The following MYO5B variants were observed in gnomAD, a reference collection of about 807,000 sequenced individuals.
MYO5B encodes the protein myosin VB, also known as unconventional myosin-Vb.
In MYO5B, 143 loss-of-function variants were observed where a neutral mutation model predicts 229.3. The ratio of observed to expected loss-of-function variants is 0.62; its 90% CI spans 0.54 to 0.72. The LOEUF is 0.72. MYO5B is among the 30% of genes least tolerant of loss of function. The pLI is 0.00. For missense variants in MYO5B, 2,321 were observed against 2,331.0 expected (o/e 1.00, Z 0.09); for synonymous variants, 918 against 885.2 (o/e 1.04, Z -0.66).
chr18:50,073,929 T>C (rs2031018690), intron 1 of MYO5B, among the ~76,000 whole-genome samples: 1 of 152,184 alleles, frequency 6.6e-6, no homozygotes, highest in South Asian at 2.1e-4. Context: ...GTCTGATCCT[T>C]CTCCATTCAC....
At chr18:49,847,641 C>T (rs1018543922) in intron 32 of MYO5B, among the ~76,000 whole-genome samples, 8 of 152,252 alleles carry the variant, frequency 5.3e-5, no homozygotes, top group Non-Finnish European at 1.5e-5. Context: ...CTCACCGCTC[C>T]TGCATAGCTG....
chr18:49,906,692 T>G, intron 18 of MYO5B, 62 bp from the exon 19 acceptor site: 5 of 1,395,886 alleles, frequency 3.6e-6, no homozygotes, highest in Non-Finnish European at 5.1e-6. Context: ...ACATGGCCCA[T>G]ACCACCCTTG....
chr18:50,052,265 C>T, intron 2 of MYO5B, among the ~76,000 whole-genome samples: 1 of 151,914 alleles, frequency 6.6e-6, no homozygotes, highest in African/African-American at 2.4e-5. Context: ...CGTATGTTTA[C>T]TGCGGCACTA....
chr18:50,007,485 A>G (rs138070885), intron 4 of MYO5B, among the ~76,000 whole-genome samples: 13 of 152,146 alleles, frequency 8.5e-5, no homozygotes, highest in South Asian at 2.1e-4. Flanking sequence ...ACATCGGACC[A>G]TTCTTCTCCC....
At chr18:50,134,771 A>G (rs920569862) in intron 1 of MYO5B, among the ~76,000 whole-genome samples, 1 of 152,000 alleles carries the variant, frequency 6.6e-6, no homozygotes, top group African/African-American at 2.4e-5. Flanking sequence ...CACTTCATAT[A>G]TTCTCTTCAT....
At chr18:50,018,281 C>A (rs1598956929) in intron 4 of MYO5B, among the ~76,000 whole-genome samples, 1 of 97,324 alleles carries the variant, frequency 1.0e-5, no homozygotes, top group Non-Finnish European at 2.0e-5. Context: ...CTTGCTCATA[C>A]ATATACCCAT....
chr18:50,000,584 C>A (rs2026035398), intron 5 of MYO5B, among the ~76,000 whole-genome samples: 1 of 152,154 alleles, frequency 6.6e-6, no homozygotes, highest in Admixed American at 6.5e-5. Flanking sequence ...CTAAAGCATG[C>A]TTAGTTATAG....
intron 22 of MYO5B, among the ~76,000 whole-genome samples, chr18:49,885,753 T>C (rs1165444778): frequency 6.6e-6 from 1 of 152,146 alleles, no homozygotes; most frequent in Non-Finnish European, 1.5e-5. Flanking sequence ...TTGGGGTCAC[T>C]GGCTCTCCCC....
At chr18:49,927,846 A>G (rs2025147204) in intron 17 of MYO5B, among the ~76,000 whole-genome samples, 1 of 152,272 alleles carries the variant, frequency 6.6e-6, no homozygotes, top group African/African-American at 2.4e-5. Context: ...CAACGACTTC[A>G]TGACCAAGAA....
At chr18:50,087,572 C>CAA (rs3075643) in intron 1 of MYO5B, among the ~76,000 whole-genome samples, 5,643 of 85,408 alleles carry the variant, frequency 0.066, 169 homozygotes, top group African/African-American at 0.092. Context: ...GACTCCATCT[C>CAA]AAAAAAAAAA....
chr18:49,845,403 C>T (rs967303325), intron 33 of MYO5B, among the ~76,000 whole-genome samples: 8 of 152,168 alleles, frequency 5.3e-5, no homozygotes, highest in Admixed American at 2.0e-4. Flanking sequence ...CTGGGTCCCT[C>T]GGCCCTAGGC....
intron 1 of MYO5B, among the ~76,000 whole-genome samples, chr18:50,172,695 G>A (rs775008483): frequency 2.0e-5 from 3 of 152,206 alleles, no homozygotes; most frequent in East Asian, 1.9e-4. Flanking sequence ...TGGAGACTCC[G>A]CAGTGAACAG....
At chr18:50,085,353 A>T (rs2031308256) in intron 1 of MYO5B, among the ~76,000 whole-genome samples, 1 of 152,184 alleles carries the variant, frequency 6.6e-6, no homozygotes, top group Non-Finnish European at 1.5e-5. Context: ...TGCAAATCAA[A>T]ACCACAATGA....
chr18:49,906,667 G>C, intron 18 of MYO5B, 37 bp from the exon 19 acceptor site: 1 of 1,564,886 alleles, frequency 6.4e-7, no homozygotes, highest in East Asian at 2.2e-5. Flanking sequence ...TTGGTCACCA[G>C]TGAGCAGAGA....
chr18:49,929,798 T>A (rs992588655), intron 16 of MYO5B, among the ~76,000 whole-genome samples, 200 bp from the exon 17 acceptor site: 2 of 152,194 alleles, frequency 1.3e-5, no homozygotes, highest in African/African-American at 4.8e-5. Flanking sequence ...ACCTGAGCCA[T>A]CTCAGCATCT....
At chr18:50,041,307 A>G (rs900758008) in intron 2 of MYO5B, among the ~76,000 whole-genome samples, 1 of 152,216 alleles carries the variant, frequency 6.6e-6, no homozygotes, top group Non-Finnish European at 1.5e-5. Flanking sequence ...CTTTTAGGAA[A>G]TTCTATGGAC....
chr18:50,176,446 T>C (rs543581721), intron 1 of MYO5B, among the ~76,000 whole-genome samples: 61 of 152,374 alleles, frequency 4.0e-4, no homozygotes, highest in Non-Finnish European at 3.1e-4. Context: ...GCCTAGCACA[T>C]ATAACTGCAT....
intron 3 of MYO5B, among the ~76,000 whole-genome samples, chr18:50,039,626 C>T (rs962876376): frequency 2.0e-5 from 3 of 152,080 alleles, no homozygotes; most frequent in Non-Finnish European, 4.4e-5. Context: ...CCACTGCGCC[C>T]GGCGGAAAGG....
intron 29 of MYO5B, among the ~76,000 whole-genome samples, chr18:49,857,455 C>G (rs1020381981): frequency 5.9e-5 from 9 of 152,158 alleles, no homozygotes; most frequent in Non-Finnish European, 1.3e-4. Context: ...AGGAAGGAGA[C>G]TGCAGACACT....
Sources: gnomAD v4.1 joint callset for allele counts (sites outside exome capture counted in the v4.1 genomes callset) on GRCh38, gnomAD v4.1.1 for gene constraint, MANE v1.5 for transcripts, NCBI Gene and HGNC (gene_info 2026-07-23, HGNC 2026-07-21) for gene names.